GRIK2: variants seen among roughly 807,000 people sequenced by gnomAD.
GRIK2 encodes the protein glutamate ionotropic receptor kainate type subunit 2.
In GRIK2, 32 loss-of-function variants were observed where a neutral mutation model predicts 100.3. The observed-to-expected ratio is 0.32, with a 90% CI of 0.24 to 0.43. The LOEUF is 0.43. Ranked by LOEUF, GRIK2 falls within the 20% of genes least tolerant of loss-of-function variation. GRIK2 has a pLI of 1.00. For synonymous variants in GRIK2, 417 were observed against 389.4 expected (o/e 1.07, Z -0.83); for missense variants, 843 against 1,114.9 (o/e 0.76, Z 3.47).
chr6:101,591,288 CT>C lies in GRIK2; in HGVS notation c.116-30651del, dbSNP rs551138246. 1.2e-3 allele frequency among the ~76,000 whole-genome samples: 181 copies of C among 145,192 alleles called. 1 individual carries two copies. Among genetic ancestry groups the C allele is most frequent in the African/African-American group, 3.2e-3 (128 of 39,842 alleles). On this transcript the variant is annotated intron_variant, in intron 2 of 16. Coordinates refer to ENST00000369134, the MANE Select transcript of GRIK2 (RefSeq NM_021956.5). ...ATAATTTCCACTTAGTATTTCTCTCCTTTTTTTTTTGCTCTTCTAATGCCGA... is the reference window on the plus strand; with the variant it reads ...ATAATTTCCACTTAGTATTTCTCTCCTTTTTTTTTGCTCTTCTAATGCCGA...
intron 2 of GRIK2, among the ~76,000 whole-genome samples, chr6:101,563,899 C>A (rs1777138247): frequency 1.3e-5 from 2 of 151,908 alleles, no homozygotes; most frequent in Non-Finnish European, 2.9e-5. Context: ...AAAAAATAAG[C>A]TTTAATACTT....
intron 2 of GRIK2, among the ~76,000 whole-genome samples, chr6:101,463,243 A>G (rs1771435838): frequency 6.6e-6 from 1 of 152,234 alleles, no homozygotes; most frequent in Non-Finnish European, 1.5e-5. Context: ...CACAAAAAGT[A>G]TGAGTTAAAA....
intron 11 of GRIK2, among the ~76,000 whole-genome samples, chr6:101,864,061 C>T (rs1278204375): frequency 3.4e-5 from 5 of 148,430 alleles, no homozygotes; most frequent in Non-Finnish European, 7.4e-5. Flanking sequence ...GGCGTGAACC[C>T]GGGAAGCGGA....
chr6:102,032,878 C>G (rs1042747711), intron 14 of GRIK2, among the ~76,000 whole-genome samples: 2 of 151,150 alleles, frequency 1.3e-5, no homozygotes, highest in Admixed American at 6.6e-5. Context: ...GGTGCTTACT[C>G]AAAGCTGAAA....
At chr6:101,941,219 TA>T (rs1582581105) in intron 14 of GRIK2, among the ~76,000 whole-genome samples, 1 of 152,066 alleles carries the variant, frequency 6.6e-6, no homozygotes, top group Non-Finnish European at 1.5e-5. Flanking sequence ...TTTTCTAGTT[TA>T]AAAATACATA....
At chr6:101,485,849 C>A (rs1772791603) in intron 2 of GRIK2, among the ~76,000 whole-genome samples, 1 of 150,650 alleles carries the variant, frequency 6.6e-6, no homozygotes, top group Admixed American at 6.6e-5. Flanking sequence ...TTTATATTTT[C>A]AATTTATGCT....
chr6:101,465,468 A>G (rs1300313277), intron 2 of GRIK2, among the ~76,000 whole-genome samples: 1 of 152,140 alleles, frequency 6.6e-6, no homozygotes, highest in East Asian at 1.9e-4. Flanking sequence ...AAATGGCTGA[A>G]TAGTATTCTG....
chr6:101,632,525 G>T (rs1780803996), intron 4 of GRIK2, among the ~76,000 whole-genome samples: 1 of 152,042 alleles, frequency 6.6e-6, no homozygotes, highest in African/African-American at 2.4e-5. Context: ...GGAATAAATA[G>T]ATTCAGCCAT....
rs575097782 is a variant in GRIK2 at position 101,907,401 on chromosome 6, A to C, written c.1749-17200A>C. On this transcript the variant is annotated intron_variant, in intron 12 of 16. Transcript: ENST00000369134. ...CTGTCTGATTTAAAAGAAAAAAAAA[A>C]GCTGAGCATATCATTATTGGAACCT... Among the ~76,000 whole-genome samples the C allele has an allele frequency of 2.2e-3, 322 of 147,054 alleles. 1 individual carries two copies. The highest frequency in any genetic ancestry group is 7.7e-3 in the African/African-American group (308 of 40,184).
intron 6 of GRIK2, among the ~76,000 whole-genome samples, chr6:101,685,932 G>T (rs1037433295): frequency 2.0e-5 from 3 of 152,076 alleles, no homozygotes; most frequent in African/African-American, 7.2e-5. Context: ...TTGTAGAAGA[G>T]CCCATTGTTT....
chr6:101,767,356 C>A (rs1778101562), intron 7 of GRIK2, among the ~76,000 whole-genome samples: 1 of 152,026 alleles, frequency 6.6e-6, no homozygotes, highest in South Asian at 2.1e-4. Flanking sequence ...TTTCTGTAAT[C>A]CCATTACCAT....
Position 101,498,122 on chromosome 6 carries a change from G to GT in GRIK2, c.115+98736dup, listed in dbSNP as rs1394589171. ...TATGAGTGAGAACATGTGGTGTTTGGTTTTTTGTCCTTGTGATAGTTTACT... is the reference window on the plus strand; with the variant it reads ...TATGAGTGAGAACATGTGGTGTTTGGTTTTTTTGTCCTTGTGATAGTTTACT... On this transcript the variant is annotated intron_variant, in intron 2 of 16. Transcript: ENST00000369134. 3.8e-3 allele frequency among the ~76,000 whole-genome samples: 552 copies of GT among 146,996 alleles called. 5 individuals are homozygous for GT. The highest frequency in any genetic ancestry group is 0.013 in the African/African-American group (528 of 39,604).
At chr6:101,713,104 C>G (rs192455512) in intron 7 of GRIK2, among the ~76,000 whole-genome samples, 1 of 151,804 alleles carries the variant, frequency 6.6e-6, no homozygotes, top group South Asian at 2.1e-4. Flanking sequence ...TCTTTCAAAG[C>G]GTAGGAGGGC....
intron 14 of GRIK2, among the ~76,000 whole-genome samples, chr6:101,956,859 CAT>C (rs200926433): frequency 1.2e-4 from 17 of 146,824 alleles, no homozygotes; most frequent in African/African-American, 3.7e-4. Context: ...TAGATATATA[CAT>C]ATATATATAT....
chr6:101,759,787 A>G (rs1777369927), intron 7 of GRIK2, among the ~76,000 whole-genome samples: 1 of 150,512 alleles, frequency 6.6e-6, no homozygotes, highest in African/African-American at 2.5e-5. Context: ...GTTTTAAAAT[A>G]AGATTTTAAA....
intron 2 of GRIK2, among the ~76,000 whole-genome samples, chr6:101,579,249 G>A (rs1387671967): frequency 6.6e-6 from 1 of 152,068 alleles, no homozygotes; most frequent in Non-Finnish European, 1.5e-5. Context: ...CATGAACTTA[G>A]AAAGCAGCAG....
chr6:101,679,582 C>A (rs2128341216), intron 5 of GRIK2, among the ~76,000 whole-genome samples: 1 of 152,070 alleles, frequency 6.6e-6, no homozygotes, highest in East Asian at 1.9e-4. Flanking sequence ...GTAAGACATG[C>A]TATAATTAAA....
chr6:102,018,700 ATCTCT>A (rs756502649), intron 14 of GRIK2, among the ~76,000 whole-genome samples: 61 of 152,150 alleles, frequency 4.0e-4, no homozygotes, highest in Admixed American at 8.5e-4. Flanking sequence ...GCCCTGTGAC[ATCTCT>A]TCTCTAAAAA....
In GRIK2 at chr6:101,811,136, G is replaced by A. The variant is rs1276788935; in HGVS notation, c.1204-7234G>A. ...ATACTTTGTAGGTCATATGGTTGGG[G>A]GCAACTCATTACTGGAAAGAAATTT... On this transcript the variant is annotated intron_variant, in intron 9 of 16. Coordinates refer to ENST00000369134, the MANE Select transcript of GRIK2 (RefSeq NM_021956.5). Among the ~76,000 whole-genome samples, 4 of 151,958 alleles carry A rather than the reference G, an allele frequency of 2.6e-5. No individual in the cohort carries two copies. In the East Asian group the frequency reaches 7.7e-4, roughly 29 times the overall value.
Sources: gnomAD v4.1 joint callset for allele counts (sites outside exome capture counted in the v4.1 genomes callset) on GRCh38, gnomAD v4.1.1 for gene constraint, MANE v1.5 for transcripts, NCBI Gene and HGNC (gene_info 2026-07-23, HGNC 2026-07-21) for gene names.